GRIP1: variants seen among roughly 807,000 people sequenced by gnomAD.
GRIP1 encodes the protein glutamate receptor-interacting protein 1.
GRIP1 carries 45 observed loss-of-function variants against 129.9 expected under a neutral mutation model. That is an observed-to-expected ratio of 0.35 (90% CI 0.27 to 0.44). GRIP1 has a LOEUF of 0.44. Among genes scored for constraint, GRIP1 ranks in the 20% least tolerant of loss-of-function variants. The pLI is 1.00. For synonymous variants in GRIP1, 530 were observed against 520.8 expected (o/e 1.02, Z -0.24); for missense variants, 1,196 against 1,396.8 (o/e 0.86, Z 2.29).
intron 2 of GRIP1, among the ~76,000 whole-genome samples, chr12:66,561,122 C>A (rs1288796435): frequency 3.3e-5 from 5 of 151,990 alleles, no homozygotes; most frequent in Non-Finnish European, 5.9e-5. Context: ...ATTGTGGGAG[C>A]TGAAAATTAA....
Position 66,347,973 on chromosome 12 carries a change from A to AGTT in GRIP1, c.*1043_*1045dup, listed in dbSNP as rs1226791005. On this transcript the variant is annotated 3_prime_UTR_variant, in exon 25 of 25. Coordinates refer to ENST00000359742, the MANE Select transcript of GRIP1 (RefSeq NM_001366722.1). ...TCAAAATATCTGAACAAATGAAAAC[A>AGTT]GTTGCTGACAAACATTTAAAGCAAC... is the stretch of plus-strand genomic sequence containing the variant. 4.6e-5 allele frequency: 7 copies of AGTT among 152,242 alleles called. No homozygotes were observed. Among genetic ancestry groups the AGTT allele is most frequent in the African/African-American group, 1.7e-4 (7 of 41,476 alleles). The allele number at this position is 152,242 out of a possible 1,614,324, so 9.4% of individuals were successfully genotyped here.
intron 1 of GRIP1, among the ~76,000 whole-genome samples, chr12:66,708,168 C>T (rs901303055): frequency 4.6e-5 from 7 of 151,924 alleles, no homozygotes; most frequent in African/African-American, 1.5e-4. Flanking sequence ...TGGAATGTCT[C>T]CTGGGACACA....
chr12:66,774,702 C>T (rs1469655967), intron 1 of GRIP1, among the ~76,000 whole-genome samples: 1 of 152,058 alleles, frequency 6.6e-6, no homozygotes, highest in Non-Finnish European at 1.5e-5. Flanking sequence ...AATATCATTC[C>T]AGTAAGATAG....
chr12:66,775,509 T>C (rs2037951855), intron 1 of GRIP1, among the ~76,000 whole-genome samples: 1 of 152,124 alleles, frequency 6.6e-6, no homozygotes, highest in Non-Finnish European at 1.5e-5. Flanking sequence ...GCTTTAAACA[T>C]TTGTCATGTT....
chr12:66,698,127 T>A (rs1349756119), intron 1 of GRIP1, among the ~76,000 whole-genome samples: 1 of 152,170 alleles, frequency 6.6e-6, no homozygotes, highest in Non-Finnish European at 1.5e-5. Flanking sequence ...TGGAGCACAT[T>A]GCTAAATGAG....
At chr12:66,367,536 G>T (rs908513301) in intron 23 of GRIP1, among the ~76,000 whole-genome samples, 3 of 152,196 alleles carry the variant, frequency 2.0e-5, no homozygotes, top group African/African-American at 2.4e-5. Flanking sequence ...GTCATCAGGG[G>T]TTCACACTCC....
At chr12:66,794,308 CT>C (rs945309443) in intron 1 of GRIP1, among the ~76,000 whole-genome samples, 2 of 152,142 alleles carry the variant, frequency 1.3e-5, no homozygotes, top group Non-Finnish European at 2.9e-5. Flanking sequence ...TTCTTCACAG[CT>C]TTTTAAGACA....
At chr12:66,980,422 C>T (rs2042226464) in intron 1 of GRIP1, among the ~76,000 whole-genome samples, 2 of 151,986 alleles carry the variant, frequency 1.3e-5, no homozygotes, top group Admixed American at 6.6e-5. Flanking sequence ...ACCATCCTGG[C>T]CAACATGGTG....
At chr12:66,587,025 C>T (rs929492237) in intron 2 of GRIP1, among the ~76,000 whole-genome samples, 1 of 152,184 alleles carries the variant, frequency 6.6e-6, no homozygotes, top group East Asian at 1.9e-4. Flanking sequence ...CAGGACACAG[C>T]CTTGTCTCTT....
At chr12:66,731,624 T>C (rs2036439946) in intron 1 of GRIP1, among the ~76,000 whole-genome samples, 1 of 152,214 alleles carries the variant, frequency 6.6e-6, no homozygotes, top group African/African-American at 2.4e-5. Context: ...AGAGCACTAC[T>C]TGGTGTCAAA....
chr12:66,624,644 A>T (rs1183710570), intron 1 of GRIP1, among the ~76,000 whole-genome samples: 6 of 152,192 alleles, frequency 3.9e-5, no homozygotes, highest in African/African-American at 1.2e-4. Context: ...TAGCATATAC[A>T]TTCATTTTCA....
chr12:66,605,012 AT>A (rs11292583), intron 1 of GRIP1, among the ~76,000 whole-genome samples: 50,851 of 149,284 alleles, frequency 0.34, 8,978 homozygotes, highest in Non-Finnish European at 0.38. Context: ...AGGTTTCTCC[AT>A]TTTTTTTTAA....
At chr12:66,440,552 G>A (rs2138060414) in intron 13 of GRIP1, among the ~76,000 whole-genome samples, 1 of 152,282 alleles carries the variant, frequency 6.6e-6, no homozygotes, top group South Asian at 2.1e-4. Context: ...ACAGTTAAGT[G>A]AGAACATGTG....
intron 1 of GRIP1, among the ~76,000 whole-genome samples, chr12:66,952,590 T>C (rs2041775424): frequency 6.6e-6 from 1 of 152,200 alleles, no homozygotes; most frequent in African/African-American, 2.4e-5. Context: ...ATTGATCATA[T>C]CACCTTGCTC....
At chr12:67,038,620 G>A (rs970759606) in intron 1 of GRIP1, among the ~76,000 whole-genome samples, 1 of 152,086 alleles carries the variant, frequency 6.6e-6, no homozygotes, top group African/African-American at 2.4e-5. Context: ...ATTTGTATAA[G>A]CTTAACATGC....
intron 1 of GRIP1, among the ~76,000 whole-genome samples, chr12:66,780,102 C>T (rs1006378026): frequency 5.9e-5 from 9 of 152,098 alleles, no homozygotes; most frequent in African/African-American, 2.2e-4. Context: ...CAAGTCCCCA[C>T]ATAAAAACAG....
chr12:66,538,799 T>C (rs1348495020), intron 4 of GRIP1, among the ~76,000 whole-genome samples: 1 of 150,110 alleles, frequency 6.7e-6, no homozygotes. Flanking sequence ...GGTGGGGCTT[T>C]GCCATGTTGC....
intron 7 of GRIP1, among the ~76,000 whole-genome samples, chr12:66,468,051 C>T (rs947905264): frequency 5.3e-5 from 8 of 152,132 alleles, no homozygotes; most frequent in Admixed American, 5.2e-4. Context: ...CTTCTTTTGT[C>T]AGTAATAGGG....
intron 1 of GRIP1, among the ~76,000 whole-genome samples, chr12:66,948,996 C>T (rs886169726): frequency 6.6e-6 from 1 of 152,058 alleles, no homozygotes; most frequent in African/African-American, 2.4e-5. Flanking sequence ...AAACTAAAAG[C>T]ATATAGTGGA....
Sources: gnomAD v4.1 joint callset for allele counts (sites outside exome capture counted in the v4.1 genomes callset) on GRCh38, gnomAD v4.1.1 for gene constraint, MANE v1.5 for transcripts, NCBI Gene and HGNC (gene_info 2026-07-23, HGNC 2026-07-21) for gene names.